COL24A1: variants seen among roughly 807,000 people sequenced by gnomAD.
COL24A1 encodes the protein collagen type XXIV alpha 1 chain, also known as collagen alpha-1(XXIV) chain.
COL24A1 carries 224 observed loss-of-function variants against 253.9 expected under a neutral mutation model. That is an observed-to-expected ratio of 0.88 (90% CI 0.79 to 0.99). The LOEUF is 0.99. COL24A1 is among the 50% of genes least tolerant of loss of function. The pLI is 0.00. For synonymous variants in COL24A1, 685 were observed against 673.7 expected (o/e 1.02, Z -0.26); for missense variants, 2,131 against 2,068.5 (o/e 1.03, Z -0.59).
At chr1:85,777,606 AAGT>A (rs1668686609) in intron 52 of COL24A1, among the ~76,000 whole-genome samples, 2 of 152,162 alleles carry the variant, frequency 1.3e-5, no homozygotes, top group Non-Finnish European at 2.9e-5. Flanking sequence ...TTTCCAATAA[AAGT>A]AGTATTACAA....
rs189226396 is a variant in COL24A1 at position 86,138,215 on chromosome 1, T to C, written c.121+7904A>G. ...TCCTTGTATTGATTTTAATCTGTAT[T>C]CTTAACTGTGAATACAACACTTCAG... On this transcript the variant is annotated intron_variant, in intron 2 of 59. Transcript: ENST00000370571. 1.6e-3 allele frequency among the ~76,000 whole-genome samples: 238 copies of C among 152,278 alleles called. 1 individual carries two copies. The highest frequency in any genetic ancestry group is 2.1e-3 in the Non-Finnish European group (140 of 68,024).
At position 85,772,535 on chromosome 1, in the gene COL24A1, T is replaced by C. The variant is rs1020417544; in HGVS notation, c.4374+3139A>G. Reference sequence around the variant, plus strand: ...ATGTTTATTGCGGCGTTATTCACAATAGCCTGACTTTTTAATGATCGCCAT... The same window carrying C: ...ATGTTTATTGCGGCGTTATTCACAACAGCCTGACTTTTTAATGATCGCCAT... On this transcript the variant is annotated intron_variant, in intron 53 of 59. Transcript: ENST00000370571. Among the ~76,000 whole-genome samples, 14 of 151,538 alleles carry C rather than the reference T, an allele frequency of 9.2e-5. No homozygotes were observed. The East Asian group carries it at 1.8e-3, about 19-fold the overall frequency.
intron 31 of COL24A1, among the ~76,000 whole-genome samples, chr1:85,895,475 T>C (rs1683583518): frequency 6.6e-6 from 1 of 152,154 alleles, no homozygotes; most frequent in African/African-American, 2.4e-5. Context: ...TTGAAATGGG[T>C]TTTACAGTAA....
At chr1:85,957,843 T>C (rs535855019) in intron 24 of COL24A1, among the ~76,000 whole-genome samples, 1 of 152,360 alleles carries the variant, frequency 6.6e-6, no homozygotes, top group Non-Finnish European at 1.5e-5. Context: ...CGATTGTTCA[T>C]TGACCTTACA....
rs552495344 is a variant in COL24A1, at chr1:85,833,666, C to G, written c.3681+4919G>C. Among the ~76,000 whole-genome samples the G allele has an allele frequency of 5.5e-4, 83 of 152,126 alleles. 3 individuals are homozygous for G. The South Asian group carries it at 0.017, about 31-fold the overall frequency. ...ATGTTGCTATAAAGACACATGCACA[C>G]GTATGTTTATTGTGGCACTATTCAC... On this transcript the variant is annotated intron_variant, in intron 43 of 59. Transcript: ENST00000370571.
chr1:85,767,286 G>A lies in COL24A1; in HGVS notation c.4375-5720C>T, dbSNP rs528170790. On this transcript the variant is annotated intron_variant, in intron 53 of 59. Coordinates refer to ENST00000370571, the MANE Select transcript of COL24A1 (RefSeq NM_152890.7). The stretch of plus-strand genomic sequence containing the variant: ...AGCATTTTCTGAGAATGACCTCCGC[G>A]AATGTATTACATTCTGAAAGACAGT... 2.0e-5 allele frequency among the ~76,000 whole-genome samples: 3 copies of A among 152,132 alleles called. No homozygotes were observed. In the South Asian group the frequency reaches 6.2e-4, roughly 32 times the overall value.
At chr1:85,737,961 T>A (rs1422424187) in intron 57 of COL24A1, among the ~76,000 whole-genome samples, 5 of 152,220 alleles carry the variant, frequency 3.3e-5, no homozygotes, top group African/African-American at 1.2e-4. Context: ...AGTGAATGAA[T>A]GAATGCTGCA....
chr1:86,079,311 AT>A (rs1702467870), intron 7 of COL24A1, among the ~76,000 whole-genome samples: 1 of 152,226 alleles, frequency 6.6e-6, no homozygotes, highest in Non-Finnish European at 1.5e-5. Flanking sequence ...TTCAAAATAG[AT>A]TAAAGACTTA....
chr1:85,734,286 T>C (rs1332044597), intron 59 of COL24A1, among the ~76,000 whole-genome samples: 1 of 152,202 alleles, frequency 6.6e-6, no homozygotes, highest in African/African-American at 2.4e-5. Flanking sequence ...ATTATACCCA[T>C]ATTTGGTATC....
intron 43 of COL24A1, among the ~76,000 whole-genome samples, chr1:85,824,587 T>C (rs1189710796): frequency 1.3e-5 from 2 of 152,150 alleles, no homozygotes; most frequent in Admixed American, 6.5e-5. Context: ...ATTACTATAA[T>C]ACCAAGAAAC....
chr1:86,072,989 C>A (rs536377362), intron 7 of COL24A1, among the ~76,000 whole-genome samples: 1 of 152,076 alleles, frequency 6.6e-6, no homozygotes. Context: ...ACATCAAAGA[C>A]CAAAGGTAGA....
At chr1:86,152,390 C>T (rs941857061) in intron 1 of COL24A1, among the ~76,000 whole-genome samples, 2 of 152,052 alleles carry the variant, frequency 1.3e-5, no homozygotes, top group African/African-American at 4.8e-5. Flanking sequence ...CACAAAATTA[C>T]TAAAAATATT....
intron 24 of COL24A1, among the ~76,000 whole-genome samples, chr1:85,956,345 G>A (rs1184847078): frequency 2.0e-5 from 3 of 152,098 alleles, no homozygotes; most frequent in Non-Finnish European, 4.4e-5. Flanking sequence ...GTCATGAGAG[G>A]GTTTATGATT....
chr1:86,086,923 G>C (rs1298058312), intron 7 of COL24A1, among the ~76,000 whole-genome samples: 1 of 152,132 alleles, frequency 6.6e-6, no homozygotes, highest in Non-Finnish European at 1.5e-5. Context: ...ACTCTGAAAA[G>C]GGGGAAAATA....
intron 39 of COL24A1, among the ~76,000 whole-genome samples, chr1:85,846,124 A>G (rs1677114894): frequency 6.6e-6 from 1 of 151,908 alleles, no homozygotes; most frequent in Admixed American, 6.6e-5. Flanking sequence ...GCATTTCAGA[A>G]AAGCAGAAAA....
intron 45 of COL24A1, among the ~76,000 whole-genome samples, chr1:85,821,028 G>C (rs1203977319): frequency 6.6e-6 from 1 of 152,180 alleles, no homozygotes; most frequent in Non-Finnish European, 1.5e-5. Context: ...GATTTAGAGA[G>C]TTAAGCAAAA....
At chr1:85,964,816 T>C (rs1338599055) in intron 23 of COL24A1, among the ~76,000 whole-genome samples, 193 bp downstream of exon 23, 1 of 152,134 alleles carries the variant, frequency 6.6e-6, no homozygotes, top group African/African-American at 2.4e-5. Flanking sequence ...GCATTTCAGA[T>C]AGGGGATACT....
At chr1:85,889,130 A>C (rs1682835688) in intron 32 of COL24A1, among the ~76,000 whole-genome samples, 1 of 152,106 alleles carries the variant, frequency 6.6e-6, no homozygotes, top group Non-Finnish European at 1.5e-5. Flanking sequence ...CTGTTGATGT[A>C]ACTGCATTTC....
intron 2 of COL24A1, among the ~76,000 whole-genome samples, chr1:86,139,983 A>G (rs1650839417): frequency 6.6e-6 from 1 of 152,212 alleles, no homozygotes; most frequent in South Asian, 2.1e-4. Flanking sequence ...GAATTAAGGA[A>G]CTAAAGGAAA....
Sources: gnomAD v4.1 joint callset for allele counts (sites outside exome capture counted in the v4.1 genomes callset) on GRCh38, gnomAD v4.1.1 for gene constraint, MANE v1.5 for transcripts, NCBI Gene and HGNC (gene_info 2026-07-23, HGNC 2026-07-21) for gene names.